PRKAG2: variants seen among roughly 807,000 people sequenced by gnomAD.
PRKAG2 encodes the protein protein kinase AMP-activated non-catalytic subunit gamma 2, also known as 5'-AMP-activated protein kinase subunit gamma-2.
PRKAG2 carries 26 observed loss-of-function variants against 69.6 expected under a neutral mutation model. The observed-to-expected ratio is 0.37, with a 90% CI of 0.27 to 0.52. The LOEUF (loss-of-function observed/expected upper bound fraction) is 0.52, where lower values mean the gene tolerates loss of function less well. Among genes scored for constraint, PRKAG2 ranks in the 20% least tolerant of loss-of-function variants. PRKAG2 has a pLI of 0.90. For missense variants in PRKAG2, 557 were observed against 740.0 expected, an observed-to-expected ratio of 0.75 and a Z score of 2.87; for synonymous variants, 293 against 285.0, an observed-to-expected ratio of 1.03 and a Z score of -0.28.
intron 3 of PRKAG2, among the ~76,000 whole-genome samples, chr7:151,710,460 C>T (rs1415339804): frequency 6.6e-6 from 1 of 152,162 alleles, no homozygotes; most frequent in South Asian, 2.1e-4. Context: ...AAGAGAAGAC[C>T]CCGTCACTCC....
At chr7:151,663,151 G>A (rs532995660) in intron 4 of PRKAG2, among the ~76,000 whole-genome samples, 1 of 152,132 alleles carries the variant, frequency 6.6e-6, no homozygotes, top group African/African-American at 2.4e-5. Flanking sequence ...GGGAGGGAAG[G>A]GCAAGTTTAT....
chr7:151,816,253 C>T (rs1359052628), intron 1 of PRKAG2, among the ~76,000 whole-genome samples: 2 of 152,206 alleles, frequency 1.3e-5, no homozygotes, highest in Non-Finnish European at 2.9e-5. Context: ...GTGCTGTGGC[C>T]AGATAGCTCT....
At chr7:151,760,421 A>G (rs139281268) in intron 3 of PRKAG2, among the ~76,000 whole-genome samples, 1,653 of 152,054 alleles carry the variant, frequency 0.011, 17 homozygotes, top group South Asian at 0.036. Flanking sequence ...TTTAGTAGAG[A>G]CGGGGCTTCA....
chr7:151,664,683 C>T (rs1393552960), intron 4 of PRKAG2, among the ~76,000 whole-genome samples: 2 of 152,198 alleles, frequency 1.3e-5, no homozygotes, highest in African/African-American at 2.4e-5. Context: ...CCTTTATTGA[C>T]ATTGCCAGCC....
chr7:151,666,221 C>T (rs932640668), intron 4 of PRKAG2, among the ~76,000 whole-genome samples: 1 of 152,186 alleles, frequency 6.6e-6, no homozygotes, highest in African/African-American at 2.4e-5. Context: ...TATGCTGGAT[C>T]CCTAACCTCC....
In PRKAG2 at chr7:151,560,543, G is replaced by A. The variant is rs374476363; in HGVS notation, c.1659C>T (p.Ala553=). The A allele has an allele frequency of 5.0e-5, 80 of 1,613,956 alleles. No homozygotes were observed. Among genetic ancestry groups the A allele is most frequent in the Non-Finnish European group, 6.4e-5 (76 of 1,180,006 alleles). The change falls in exon 15 of 16, where the codon GCC becomes GCT. Residue 553 remains alanine, a synonymous_variant. Coordinates refer to ENST00000287878, the MANE Select transcript of PRKAG2 (RefSeq NM_016203.4). ...TTTTACCTGCTGGTGTGAGGATCAG[G>A]GCTTGCAGAATGTCCGACAGGGAAA... The part of the protein sequence containing the change: ...GIISLSDILQ[A]LILTPAGAKQ...
intron 4 of PRKAG2, among the ~76,000 whole-genome samples, chr7:151,645,413 G>T (rs1351118055): frequency 6.6e-6 from 1 of 152,134 alleles, no homozygotes; most frequent in Non-Finnish European, 1.5e-5. Context: ...ATGAGACCCT[G>T]GTCCTGGCCA....
chr7:151,637,707 G>T (rs1235042574), intron 4 of PRKAG2, among the ~76,000 whole-genome samples: 1 of 141,838 alleles, frequency 7.1e-6, no homozygotes, highest in African/African-American at 2.6e-5. Context: ...AAGTCATGAG[G>T]TTTTTTTTTT....
At chr7:151,560,245 G>C in intron 15 of PRKAG2, 2 of 1,313,370 alleles carry the variant, frequency 1.5e-6, no homozygotes, top group Non-Finnish European at 2.0e-6. Flanking sequence ...CAGTGGAAAA[G>C]GTTATGATGA....
intron 10 of PRKAG2, among the ~76,000 whole-genome samples, chr7:151,569,803 C>T (rs1012985384): frequency 2.0e-5 from 3 of 152,144 alleles, no homozygotes; most frequent in Non-Finnish European, 2.9e-5. Context: ...GATGTTTAAA[C>T]GCTAGTGTGG....
In PRKAG2 at chr7:151,556,307, A is replaced by G. The variant is rs1199773437; in HGVS notation, c.*894T>C. On this transcript the variant is annotated 3_prime_UTR_variant, in exon 16 of 16. Transcript: ENST00000287878. ...GTATATGCCACAATAAAATTTACAA[A>G]AACAATCGCATCAGCAGTCATAACA... 6.6e-6 allele frequency: 1 copy of G among 152,652 alleles called. No homozygotes were observed. Among genetic ancestry groups the G allele is most frequent in the African/African-American group, 2.4e-5 (1 of 41,464 alleles). 9.5% of individuals were successfully genotyped at this position (152,652 alleles called of 1,614,324 possible).
In PRKAG2 at chr7:151,576,467, G is replaced by A. The variant is rs1808957192; in HGVS notation, c.865-15C>T. 6.4e-7 allele frequency: 1 copy of A among 1,563,104 alleles called. No individual in the cohort carries two copies. Among genetic ancestry groups the A allele is most frequent in the Admixed American group, 1.7e-5 (1 of 59,738 alleles). ...GCCTTTTTAACCTGAAGAAAAAGAG[G>A]AGAAACAAAACATACTTTCAAAGTC... On this transcript the variant is annotated splice_polypyrimidine_tract_variant and intron_variant, in intron 6 of 15. Transcript: ENST00000287878.
intron 1 of PRKAG2, among the ~76,000 whole-genome samples, chr7:151,843,423 G>T (rs746067510): frequency 2.0e-5 from 3 of 152,136 alleles, no homozygotes. Flanking sequence ...GCACCATCAC[G>T]CGGCTACAGC....
In PRKAG2 at chr7:151,632,336, CGCAGGTGGCGCGGCCGCG is replaced by C. The variant is rs903773034; in HGVS notation, c.685-216_685-199del. 6 of 659,122 alleles carry C rather than the reference CGCAGGTGGCGCGGCCGCG, an allele frequency of 9.1e-6. No individual in the cohort carries two copies. Among genetic ancestry groups the C allele is most frequent in the African/African-American group, 2.0e-5 (1 of 50,272 alleles). 40.8% of individuals were successfully genotyped at this position (659,122 alleles called of 1,614,324 possible). On this transcript the variant is annotated intron_variant, in intron 4 of 15. Coordinates refer to ENST00000287878, the MANE Select transcript of PRKAG2 (RefSeq NM_016203.4). The surrounding 1 kb of genome is among the most constrained non-coding windows in gnomAD (Gnocchi z 4.2). ...ACCCGCCCGAGGCCGCCGCCGCCGC[CGCAGGTGGCGCGGCCGCG>C]GCCCGCGTGCCCCTCCGCGAGTGGG... is the stretch of plus-strand genomic sequence containing the variant.
intron 3 of PRKAG2, among the ~76,000 whole-genome samples, chr7:151,751,852 T>C (rs940253211): frequency 1.3e-5 from 2 of 152,212 alleles, no homozygotes; most frequent in Admixed American, 6.5e-5. Context: ...TTGTCTCTAA[T>C]ACATCTGCTG....
At chr7:151,630,553 G>A (rs993840156) in intron 5 of PRKAG2, among the ~76,000 whole-genome samples, 2 of 152,238 alleles carry the variant, frequency 1.3e-5, no homozygotes, top group African/African-American at 4.8e-5. Context: ...GCACAGAGAG[G>A]TTAAGTAACT....
At chr7:151,686,362 C>T (rs755049064) in intron 3 of PRKAG2, among the ~76,000 whole-genome samples, 1 of 152,138 alleles carries the variant, frequency 6.6e-6, no homozygotes, top group South Asian at 2.1e-4. Flanking sequence ...TCATGTGGTC[C>T]GAGTGCCTCC....
chr7:151,634,625 T>C (rs577017643), intron 4 of PRKAG2, among the ~76,000 whole-genome samples: 35 of 152,036 alleles, frequency 2.3e-4, no homozygotes, highest in Non-Finnish European at 4.4e-4. Flanking sequence ...TAAAATAAAA[T>C]AAAAATGTCT....
chr7:151,681,138 A>G (rs1160573027), intron 3 of PRKAG2, among the ~76,000 whole-genome samples: 1 of 152,166 alleles, frequency 6.6e-6, no homozygotes, highest in African/African-American at 2.4e-5. Flanking sequence ...CCGTGTGAGT[A>G]CTGGAATGAT....
Sources: allele counts gnomAD v4.1 joint callset (sites outside exome capture counted in the v4.1 genomes callset), GRCh38; gene constraint gnomAD v4.1.1; non-coding constraint Gnocchi (gnomAD v3.1); transcripts MANE v1.5; gene names NCBI Gene and HGNC (gene_info 2026-07-23, HGNC 2026-07-21).